The following SIPA1L3 variants were observed in gnomAD, a reference collection of about 807,000 sequenced individuals.
The protein encoded by SIPA1L3 is signal-induced proliferation-associated 1-like protein 3.
SIPA1L3 carries 59 observed loss-of-function variants against 150.1 expected under a neutral mutation model. That is an observed-to-expected ratio of 0.39 (90% CI 0.32 to 0.49). The LOEUF (loss-of-function observed/expected upper bound fraction) is 0.49, where lower values mean the gene tolerates loss of function less well. Among genes scored for constraint, SIPA1L3 ranks in the 20% least tolerant of loss-of-function variants. The pLI, the probability that SIPA1L3 is intolerant of heterozygous loss-of-function variation, is 0.86. For synonymous variants in SIPA1L3, 1,070 were observed against 1,077.6 expected (o/e 0.99, Z 0.14); for missense variants, 2,211 against 2,489.5 (o/e 0.89, Z 2.38).
rs537191061 is a variant in SIPA1L3 at position 37,945,425 on chromosome 19, A to C, written c.-379+38067A>C. Among the ~76,000 whole-genome samples the C allele has an allele frequency of 3.9e-5, 6 of 152,128 alleles. No individual in the cohort carries two copies. In the South Asian group the frequency reaches 1.2e-3, roughly 32 times the overall value. ...ATATTTTTTTGTATTTTTTGTAGAG[A>C]CGGGGTTTCACCATTTTGCCTAGAC... is the stretch of plus-strand genomic sequence containing the variant. On this transcript the variant is annotated intron_variant, in intron 1 of 21. Coordinates refer to ENST00000222345, the MANE Select transcript of SIPA1L3 (RefSeq NM_015073.3).
chr19:37,976,255 G>A lies in SIPA1L3; in HGVS notation c.-378-52834G>A, dbSNP rs1296655566. On this transcript the variant is annotated intron_variant, in intron 1 of 21. Coordinates refer to ENST00000222345, the MANE Select transcript of SIPA1L3 (RefSeq NM_015073.3). ...GGGTTGTCCTGGAGGGGATTTCCTT[G>A]GGTCTTCGTCTTGTTGTACGTCTCT... 2.6e-5 allele frequency among the ~76,000 whole-genome samples: 4 copies of A among 152,204 alleles called. No individual in the cohort carries two copies. The South Asian group carries it at 6.2e-4, about 24-fold the overall frequency.
chr19:37,975,783 C>T (rs976674004), intron 1 of SIPA1L3, among the ~76,000 whole-genome samples: 1 of 152,154 alleles, frequency 6.6e-6, no homozygotes, highest in African/African-American at 2.4e-5. Context: ...GGTGCAGCCT[C>T]TGGCTACCAC....
At chr19:38,126,537 A>C (rs1450135847) in intron 9 of SIPA1L3, among the ~76,000 whole-genome samples, 19 of 150,436 alleles carry the variant, frequency 1.3e-4, no homozygotes, top group Admixed American at 1.1e-3. Context: ...GGCCCAAGAC[A>C]ATTCTTTTTT....
intron 1 of SIPA1L3, among the ~76,000 whole-genome samples, chr19:38,000,975 A>G (rs1010293372): frequency 4.1e-5 from 3 of 73,698 alleles, no homozygotes; most frequent in African/African-American, 1.2e-4. Flanking sequence ...TATATAACAT[A>G]TATAACACAC....
rs71177491 is a variant in SIPA1L3, at chr19:37,962,463, C to CTTTTTTTTTTTTTTTT, written c.-379+55113_-379+55128dup. On this transcript the variant is annotated intron_variant, in intron 1 of 21. Transcript: ENST00000222345. Reference sequence around the variant, plus strand: ...TTGGCCATGAGCCACTGCAGCCGGCCTTTTTTTTTTTTTTTTTTTTTTTGA... The same window carrying CTTTTTTTTTTTTTTTT: ...TTGGCCATGAGCCACTGCAGCCGGCCTTTTTTTTTTTTTTTTTTTTTTTTTTTTTTTTTTTTTTTGA... Among the ~76,000 whole-genome samples, 38 of 73,092 alleles carry CTTTTTTTTTTTTTTTT rather than the reference C, an allele frequency of 5.2e-4. 6 individuals are homozygous for CTTTTTTTTTTTTTTTT. Among genetic ancestry groups the CTTTTTTTTTTTTTTTT allele is most frequent in the East Asian group, 1.9e-3 (3 of 1,606 alleles). The allele number at this position is 73,092 out of a possible 152,430, so 48.0% of individuals were successfully genotyped here. A position where few individuals can be genotyped will look rare whatever the true frequency, so the allele number is the denominator to read the frequency against.
At chr19:37,994,029 G>C (rs1407993744) in intron 1 of SIPA1L3, among the ~76,000 whole-genome samples, 1 of 151,964 alleles carries the variant, frequency 6.6e-6, no homozygotes, top group African/African-American at 2.4e-5. Flanking sequence ...CAAGAAGCTG[G>C]GACTATAGGT....
chr19:38,124,442 A>G (rs1418630988), intron 9 of SIPA1L3, among the ~76,000 whole-genome samples: 2 of 139,752 alleles, frequency 1.4e-5, no homozygotes, highest in South Asian at 2.4e-4. Context: ...CCTAGATGGG[A>G]TGGCGGCCGG....
intron 4 of SIPA1L3, among the ~76,000 whole-genome samples, chr19:38,095,981 G>A (rs1970371802): frequency 6.6e-6 from 1 of 152,168 alleles, no homozygotes; most frequent in African/African-American, 2.4e-5. Context: ...CACCCAGATT[G>A]ACAGGGCAAA....
Position 38,155,012 on chromosome 19 carries a change from C to T in SIPA1L3, c.3661+2045C>T, listed in dbSNP as rs538625514. On this transcript the variant is annotated intron_variant, in intron 13 of 21. Coordinates refer to ENST00000222345, the MANE Select transcript of SIPA1L3 (RefSeq NM_015073.3). ...CTGACCTCAAGTGATCCACCCGCTT[C>T]GGCTTCCCAAAGTGCTGAGATTACA... Among the ~76,000 whole-genome samples, 112 of 152,244 alleles carry T rather than the reference C, an allele frequency of 7.4e-4. 1 individual carries two copies. The South Asian group carries it at 0.023, about 31-fold the overall frequency.
chr19:38,103,664 C>T (rs1970557243), intron 6 of SIPA1L3, among the ~76,000 whole-genome samples: 1 of 150,378 alleles, frequency 6.6e-6, no homozygotes, highest in South Asian at 2.1e-4. Context: ...GTGGTTCACG[C>T]CTGTAATCTT....
chr19:37,921,230 G>A (rs1236203685), intron 1 of SIPA1L3, among the ~76,000 whole-genome samples: 1 of 152,358 alleles, frequency 6.6e-6, no homozygotes, highest in East Asian at 1.9e-4. Flanking sequence ...CTTTACGGCC[G>A]GCCGGCGTGC....
At chr19:37,923,984 AG>A (rs1273917723) in intron 1 of SIPA1L3, among the ~76,000 whole-genome samples, 2 of 152,072 alleles carry the variant, frequency 1.3e-5, no homozygotes, top group African/African-American at 4.8e-5. Context: ...CATGTTGGCC[AG>A]GCTGGTCTCG....
chr19:37,977,327 G>T (rs1967100173), intron 1 of SIPA1L3, among the ~76,000 whole-genome samples: 1 of 151,016 alleles, frequency 6.6e-6, no homozygotes, highest in East Asian at 2.0e-4. Flanking sequence ...ACCATGCCCG[G>T]CTAATTTTTG....
intron 1 of SIPA1L3, among the ~76,000 whole-genome samples, chr19:37,969,306 C>T (rs1458423786): frequency 6.6e-6 from 1 of 152,146 alleles, no homozygotes; most frequent in Non-Finnish European, 1.5e-5. Context: ...AATCCCAGCA[C>T]TTTGGGAGGC....
At chr19:37,971,225 C>T (rs979413378) in intron 1 of SIPA1L3, among the ~76,000 whole-genome samples, 1 of 152,088 alleles carries the variant, frequency 6.6e-6, no homozygotes, top group Non-Finnish European at 1.5e-5. Flanking sequence ...AAGTGATCCT[C>T]CTGTCTCTGC....
At chr19:38,186,684 A>C (rs1437813073) in intron 16 of SIPA1L3, among the ~76,000 whole-genome samples, 2 of 151,082 alleles carry the variant, frequency 1.3e-5, no homozygotes, top group Non-Finnish European at 2.9e-5. Flanking sequence ...TTGCAGATAC[A>C]TTTTAAAAAT....
At chr19:38,130,889 T>A in intron 10 of SIPA1L3, 117 bp downstream of exon 10, 1 of 1,113,202 alleles carries the variant, frequency 9.0e-7, no homozygotes, top group Non-Finnish European at 1.3e-6. Context: ...CAGGCCCTTC[T>A]AGGCAGGAAT....
chr19:38,030,697 T>C (rs1968634336), intron 2 of SIPA1L3, among the ~76,000 whole-genome samples: 1 of 150,612 alleles, frequency 6.6e-6, no homozygotes, highest in East Asian at 1.9e-4. Flanking sequence ...ATGTTATGTT[T>C]AGGTTTCTGG....
chr19:38,017,983 G>T (rs1481497136), intron 1 of SIPA1L3, among the ~76,000 whole-genome samples: 1 of 152,034 alleles, frequency 6.6e-6, no homozygotes, highest in African/African-American at 2.4e-5. Flanking sequence ...CACCAGCTAT[G>T]TCTTGAGGCA....
Sources: gnomAD v4.1 joint callset for allele counts (sites outside exome capture counted in the v4.1 genomes callset) on GRCh38, gnomAD v4.1.1 for gene constraint, MANE v1.5 for transcripts, NCBI Gene and HGNC (gene_info 2026-07-23, HGNC 2026-07-21) for gene names.